Variants in CERS6 observed in about 807,000 individuals in gnomAD.
CERS6 encodes LAG1 homolog, ceramide synthase 6.
A neutral mutation model predicts 56.8 loss-of-function variants in CERS6; 26 were observed. The observed-to-expected ratio is 0.46, with a 90% CI of 0.34 to 0.63. The LOEUF (loss-of-function observed/expected upper bound fraction) is 0.63, where lower values mean the gene tolerates loss of function less well. Ranked by LOEUF, CERS6 falls within the 30% of genes least tolerant of loss-of-function variation. CERS6 has a pLI of 0.01. For synonymous variants in CERS6, 164 were observed against 173.3 expected, an observed-to-expected ratio of 0.95 and a Z score of 0.42; for missense variants, 415 against 467.5, an observed-to-expected ratio of 0.89 and a Z score of 1.04.
At chr2:168,610,744 G>A (rs1160158595) in intron 3 of CERS6, among the ~76,000 whole-genome samples, 1 of 152,180 alleles carries the variant, frequency 6.6e-6, no homozygotes, top group Non-Finnish European at 1.5e-5. Flanking sequence ...TAAAGCACAG[G>A]TTGTGAACTG....
intron 1 of CERS6, among the ~76,000 whole-genome samples, chr2:168,469,571 A>G (rs1337294395): frequency 6.6e-6 from 1 of 152,162 alleles, no homozygotes; most frequent in Non-Finnish European, 1.5e-5. Flanking sequence ...GGGTCAGACA[A>G]CAGTGGTGTC....
At position 168,770,910 on chromosome 2, in the gene CERS6, T is replaced by C. The variant is rs935601622; in HGVS notation, c.*1248T>C. 6.6e-6 allele frequency: 1 copy of C among 152,164 alleles called. No individual in the cohort carries two copies. Among genetic ancestry groups the C allele is most frequent in the South Asian group, 2.1e-4 (1 of 4,826 alleles). The allele number at this position is 152,164 out of a possible 1,614,324, so 9.4% of individuals were successfully genotyped here. ...GTTTCTGGAAAAATGAAAAATTCTA[T>C]TGGACAATGGCAATATCAACAATGA... On this transcript the variant is annotated 3_prime_UTR_variant, in exon 10 of 10. Transcript: ENST00000305747.
chr2:168,511,291 C>G (rs1694783205), intron 1 of CERS6, among the ~76,000 whole-genome samples: 1 of 152,118 alleles, frequency 6.6e-6, no homozygotes, highest in African/African-American at 2.4e-5. Context: ...AAATAAATGT[C>G]CTGGGTTTTT....
intron 3 of CERS6, among the ~76,000 whole-genome samples, chr2:168,611,386 G>A (rs1446147813): frequency 2.6e-5 from 4 of 152,146 alleles, no homozygotes; most frequent in Non-Finnish European, 4.4e-5. Context: ...AACCTGCCTA[G>A]ACCCTGTAGA....
chr2:168,599,013 T>C (rs1341836309), intron 3 of CERS6, among the ~76,000 whole-genome samples: 4 of 152,216 alleles, frequency 2.6e-5, no homozygotes, highest in African/African-American at 9.7e-5. Flanking sequence ...TCTGTGATTT[T>C]CAAGGAACTT....
intron 8 of CERS6, among the ~76,000 whole-genome samples, chr2:168,732,487 A>G (rs1281686443): frequency 6.6e-6 from 1 of 152,126 alleles, no homozygotes; most frequent in East Asian, 1.9e-4. Flanking sequence ...AACCCTTTTT[A>G]CTGTTTTCTC....
chr2:168,691,502 G>T (rs1686502259), intron 5 of CERS6, among the ~76,000 whole-genome samples: 1 of 152,166 alleles, frequency 6.6e-6, no homozygotes. Flanking sequence ...TTCACTTTGT[G>T]ACCTAGAAGC....
chr2:168,690,995 T>A (rs753572402), intron 4 of CERS6, 39 bp from the exon 5 acceptor site: 3 of 1,581,046 alleles, frequency 1.9e-6, no homozygotes, highest in Non-Finnish European at 2.6e-6. Context: ...CTTATCCATG[T>A]TCTAAAATAT....
At chr2:168,685,118 A>C (rs1686314512) in intron 4 of CERS6, among the ~76,000 whole-genome samples, 1 of 152,214 alleles carries the variant, frequency 6.6e-6, no homozygotes, top group Non-Finnish European at 1.5e-5. Flanking sequence ...TAGTTGCATC[A>C]GCTGGGCTTT....
chr2:168,756,803 C>T (rs1684427562), intron 8 of CERS6, among the ~76,000 whole-genome samples: 1 of 152,110 alleles, frequency 6.6e-6, no homozygotes, highest in Admixed American at 6.5e-5. Context: ...CAGTGTCCCC[C>T]ACCAACGCGA....
chr2:168,610,688 TC>T (rs1684167674), intron 3 of CERS6, among the ~76,000 whole-genome samples: 1 of 152,204 alleles, frequency 6.6e-6, no homozygotes, highest in African/African-American at 2.4e-5. Flanking sequence ...GAGTAGACCA[TC>T]CCACCCATCT....
At position 168,608,263 on chromosome 2, in the gene CERS6, A is replaced by G. The variant is rs143531545; in HGVS notation, c.408-22722A>G. ...TATACCTCACTTTGTTTATCCATTC[A>G]CCATTGAGTGGGTATTTTTCATTGT... On this transcript the variant is annotated intron_variant, in intron 3 of 9. Transcript: ENST00000305747. Among the ~76,000 whole-genome samples, 212 of 152,318 alleles carry G rather than the reference A, an allele frequency of 1.4e-3. 3 individuals carry two copies. In the East Asian group the frequency reaches 0.033, roughly 24 times the overall value.
At chr2:168,612,420 C>T (rs1379734809) in intron 3 of CERS6, among the ~76,000 whole-genome samples, 1 of 152,076 alleles carries the variant, frequency 6.6e-6, no homozygotes, top group Non-Finnish European at 1.5e-5. Flanking sequence ...AGGTGGAGAC[C>T]AGAGAAAACC....
intron 5 of CERS6, among the ~76,000 whole-genome samples, chr2:168,691,389 A>G (rs375180716): frequency 1.3e-5 from 2 of 152,152 alleles, no homozygotes; most frequent in South Asian, 2.1e-4. Flanking sequence ...TCTGCTTCTA[A>G]TCACTGAGGT....
chr2:168,460,968 A>G (rs560450566), intron 1 of CERS6, among the ~76,000 whole-genome samples: 1 of 151,678 alleles, frequency 6.6e-6, no homozygotes, highest in South Asian at 2.1e-4. Flanking sequence ...GCCTTCTAGG[A>G]TAGTTGAGAG....
intron 1 of CERS6, among the ~76,000 whole-genome samples, chr2:168,517,780 G>A (rs1191658934): frequency 6.6e-6 from 1 of 152,138 alleles, no homozygotes; most frequent in Non-Finnish European, 1.5e-5. Flanking sequence ...ATAAACTGCA[G>A]GGGTCTGAGA....
At chr2:168,512,748 A>C (rs1409748367) in intron 1 of CERS6, among the ~76,000 whole-genome samples, 2 of 149,910 alleles carry the variant, frequency 1.3e-5, no homozygotes, top group African/African-American at 4.9e-5. Flanking sequence ...GCTCACTGCA[A>C]CCTCCGCCTC....
intron 3 of CERS6, among the ~76,000 whole-genome samples, chr2:168,581,284 G>T (rs2105396057): frequency 6.6e-6 from 1 of 152,328 alleles, no homozygotes; most frequent in East Asian, 1.9e-4. Context: ...CTCCCAAAGT[G>T]CTGGGATTAC....
intron 1 of CERS6, among the ~76,000 whole-genome samples, chr2:168,533,748 G>A (rs2105363986): frequency 6.6e-6 from 1 of 152,146 alleles, no homozygotes; most frequent in East Asian, 1.9e-4. Flanking sequence ...TCCTGAATTT[G>A]CATGTTGGTC....
Sources: allele counts gnomAD v4.1 joint callset (sites outside exome capture counted in the v4.1 genomes callset), GRCh38; gene constraint gnomAD v4.1.1; transcripts MANE v1.5; gene names NCBI Gene and HGNC (gene_info 2026-07-23, HGNC 2026-07-21).